Variants in GRM7 observed in about 807,000 individuals in gnomAD.
The protein encoded by GRM7 is metabotropic glutamate receptor 7.
GRM7 carries 35 observed loss-of-function variants against 84.5 expected under a neutral mutation model. The ratio of observed to expected loss-of-function variants is 0.41; its 90% CI spans 0.32 to 0.55. The LOEUF is 0.55. Ranked by LOEUF, GRM7 falls within the 20% of genes least tolerant of loss-of-function variation. GRM7 has a pLI of 0.19. For missense variants in GRM7, 1,003 were observed against 1,194.6 expected (o/e 0.84, Z 2.36); for synonymous variants, 487 against 455.1 (o/e 1.07, Z -0.89).
At chr3:7,602,562 T>G (rs932429780) in intron 8 of GRM7, among the ~76,000 whole-genome samples, 2 of 152,166 alleles carry the variant, frequency 1.3e-5, no homozygotes, top group Admixed American at 1.3e-4. Flanking sequence ...TGCTCTCCCC[T>G]GTGCCCAGGC....
At chr3:7,306,459 C>T (rs1198794563) in intron 3 of GRM7, 39 bp from the exon 4 acceptor site, 1 of 1,579,226 alleles carries the variant, frequency 6.3e-7, no homozygotes, top group East Asian at 2.2e-5. Context: ...AGCTGACGTT[C>T]TTTATCATTA....
intron 1 of GRM7, among the ~76,000 whole-genome samples, chr3:6,957,161 C>T (rs1359161026): frequency 6.6e-6 from 1 of 152,184 alleles, no homozygotes; most frequent in Non-Finnish European, 1.5e-5. Flanking sequence ...GGGACTGCCA[C>T]TAAGTGCAAT....
At chr3:7,621,612 T>C (rs1193204846) in intron 8 of GRM7, among the ~76,000 whole-genome samples, 1 of 152,138 alleles carries the variant, frequency 6.6e-6, no homozygotes, top group East Asian at 1.9e-4. Flanking sequence ...TATAATTTAT[T>C]TTTAAGATGC....
At chr3:7,184,964 T>C (rs1299875227) in intron 2 of GRM7, among the ~76,000 whole-genome samples, 4 of 152,222 alleles carry the variant, frequency 2.6e-5, no homozygotes, top group Non-Finnish European at 5.9e-5. Context: ...TTCTGTGTAT[T>C]AGCCACCATG....
At chr3:6,989,560 C>T (rs28407476) in intron 1 of GRM7, among the ~76,000 whole-genome samples, 2,813 of 152,272 alleles carry the variant, frequency 0.018, 70 homozygotes, top group African/African-American at 0.064. Flanking sequence ...ATTGTCAATC[C>T]TGATCATACA....
intron 8 of GRM7, among the ~76,000 whole-genome samples, chr3:7,624,817 G>C (rs1697531126): frequency 6.6e-6 from 1 of 152,138 alleles, no homozygotes; most frequent in African/African-American, 2.4e-5. Context: ...TCAAAGGTTA[G>C]ACGTTACCTG....
chr3:7,348,317 C>T (rs954405636), intron 4 of GRM7, among the ~76,000 whole-genome samples: 1 of 152,100 alleles, frequency 6.6e-6, no homozygotes, highest in African/African-American at 2.4e-5. Context: ...CATGCCCCAA[C>T]AGCTCCAGCA....
chr3:7,074,348 G>C (rs974924746), intron 1 of GRM7, among the ~76,000 whole-genome samples: 3 of 152,020 alleles, frequency 2.0e-5, no homozygotes, highest in African/African-American at 7.2e-5. Flanking sequence ...ATAAGATGTG[G>C]CAAGCTTACC....
At chr3:6,964,481 C>T (rs111837319) in intron 1 of GRM7, among the ~76,000 whole-genome samples, 282 of 152,210 alleles carry the variant, frequency 1.9e-3, no homozygotes, top group Admixed American at 3.4e-3. Flanking sequence ...ACTTCTTGCC[C>T]CCCATGGTGA....
At chr3:7,028,267 C>T (rs924278587) in intron 1 of GRM7, among the ~76,000 whole-genome samples, 6 of 152,156 alleles carry the variant, frequency 3.9e-5, no homozygotes, top group African/African-American at 1.2e-4. Context: ...ACTTTTTCTG[C>T]CCAATGAGTT....
At position 7,412,808 on chromosome 3, in the gene GRM7, A is replaced by G. The variant is rs554908399; in HGVS notation, c.1034-2215A>G. ...ACCATCTGCCCCTTATAAAAGAATG[A>G]TCTTTTTCCTTTAACATGACTCTGA... On this transcript the variant is annotated intron_variant, in intron 4 of 9. Coordinates refer to ENST00000357716, the MANE Select transcript of GRM7 (RefSeq NM_000844.4). Among the ~76,000 whole-genome samples the G allele has an allele frequency of 1.1e-4, 16 of 151,578 alleles. No homozygotes were observed. The South Asian group carries it at 2.1e-3, about 20-fold the overall frequency.
intron 2 of GRM7, among the ~76,000 whole-genome samples, chr3:7,162,244 G>T (rs1193765687): frequency 6.6e-6 from 1 of 152,144 alleles, no homozygotes; most frequent in African/African-American, 2.4e-5. Flanking sequence ...TGACAAAAAT[G>T]CTGTGAGATG....
At chr3:7,210,159 G>A (rs775736839) in intron 2 of GRM7, among the ~76,000 whole-genome samples, 9 of 152,140 alleles carry the variant, frequency 5.9e-5, no homozygotes, top group Non-Finnish European at 1.2e-4. Flanking sequence ...ATGGTAATGG[G>A]CAGTGGCTTG....
In GRM7 at chr3:6,866,593, T is replaced by C. The variant is rs140594256; in HGVS notation, c.519+4686T>C. Among the ~76,000 whole-genome samples, 11 of 152,298 alleles carry C rather than the reference T, an allele frequency of 7.2e-5. No individual in the cohort carries two copies. In the East Asian group the frequency reaches 1.9e-3, roughly 27 times the overall value. ...CAATCATATATATCAAGGCTACTGG[T>C]AGGGAAAATGATCTCTCAGGTCAGC... On this transcript the variant is annotated intron_variant, in intron 1 of 9. Transcript: ENST00000357716.
chr3:7,477,409 ACTTAAGAAAT>A (rs1204964188), intron 7 of GRM7, among the ~76,000 whole-genome samples: 1 of 152,146 alleles, frequency 6.6e-6, no homozygotes, highest in East Asian at 1.9e-4. Context: ...TCTGGTGTAT[ACTTAAGAAAT>A]CTTAGCTCTT....
intron 7 of GRM7, among the ~76,000 whole-genome samples, chr3:7,462,173 C>G (rs1469866551): frequency 6.6e-6 from 1 of 152,094 alleles, no homozygotes; most frequent in Non-Finnish European, 1.5e-5. Flanking sequence ...TGCAGTGCTT[C>G]CATTTCTGTA....
At chr3:7,293,573 T>C (rs991218378) in intron 2 of GRM7, among the ~76,000 whole-genome samples, 4 of 152,180 alleles carry the variant, frequency 2.6e-5, no homozygotes, top group Non-Finnish European at 5.9e-5. Context: ...CCCACAGAAG[T>C]GTGAATTAAT....
At chr3:7,331,467 G>A (rs973274859) in intron 4 of GRM7, among the ~76,000 whole-genome samples, 4 of 152,294 alleles carry the variant, frequency 2.6e-5, no homozygotes, top group East Asian at 3.9e-4. Flanking sequence ...GACTCCAAGT[G>A]GACATACCAC....
intron 1 of GRM7, among the ~76,000 whole-genome samples, chr3:7,119,773 A>G (rs936248616): frequency 2.6e-5 from 4 of 152,132 alleles, no homozygotes; most frequent in African/African-American, 9.7e-5. Flanking sequence ...TGATTATTTT[A>G]TAGATGAATT....
Sources: gnomAD v4.1 joint callset for allele counts (sites outside exome capture counted in the v4.1 genomes callset) on GRCh38, gnomAD v4.1.1 for gene constraint, MANE v1.5 for transcripts, NCBI Gene and HGNC (gene_info 2026-07-23, HGNC 2026-07-21) for gene names.